Variants in NUP42 observed in about 807,000 individuals in gnomAD.
NUP42 encodes the protein nucleoporin 42, also known as nucleoporin NUP42.
NUP42 carries 47 observed loss-of-function variants against 35.9 expected under a neutral mutation model. That is an observed-to-expected ratio of 1.31 (90% CI 1.04 to 1.67). The LOEUF is 1.67. Ranked by LOEUF, NUP42 falls within the 40% of genes most tolerant of loss-of-function variation. NUP42 has a pLI of 0.00. For missense variants in NUP42, 514 were observed against 492.2 expected, an observed-to-expected ratio of 1.04 and a Z score of -0.42; for synonymous variants, 173 against 173.3, an observed-to-expected ratio of 1.00 and a Z score of 0.01.
Position 23,182,121 on chromosome 7 carries a change from C to G in NUP42, c.36C>G (p.Cys12Trp). Residue 12 changes from cysteine to tryptophan, a missense_variant, in exon 1 of 7, where the codon TGC becomes TGG. Cys to Trp is a radical substitution (Grantham distance 215, BLOSUM62 -2). Transcript: ENST00000258742. ...AICQFFLQGR[C>W]RFGDRCWNEH... Reference sequence around the variant, plus strand: ...GTCAATTCTTCCTTCAAGGCCGGTGCCGCTTTGGAGATCGGTGCTGGAACG... The same window carrying G: ...GTCAATTCTTCCTTCAAGGCCGGTGGCGCTTTGGAGATCGGTGCTGGAACG... 2.5e-6 allele frequency: 4 copies of G among 1,614,200 alleles called. No individual in the cohort carries two copies. Among genetic ancestry groups the G allele is most frequent in the Non-Finnish European group, 3.4e-6 (4 of 1,180,036 alleles).
At position 23,182,267 on chromosome 7, in the gene NUP42, G is replaced by C. The variant is rs1785433123; in HGVS notation, c.121+61G>C. ...CGGGAAGGGTCCGCCGGCGGGGACCGGGCGTCCCGCGTGTTTCCCGCTGCT... is the reference window on the plus strand; with the variant it reads ...CGGGAAGGGTCCGCCGGCGGGGACCCGGCGTCCCGCGTGTTTCCCGCTGCT... On this transcript the variant is annotated intron_variant, in intron 1 of 6. Transcript: ENST00000258742. The C allele has an allele frequency of 3.2e-5, 50 of 1,540,724 alleles. 1 individual carries two copies. The South Asian group carries it at 4.9e-4, about 15-fold the overall frequency.
chr7:23,200,811 G>A lies in NUP42; in HGVS notation c.*66G>A, dbSNP rs1167990425. The A allele has an allele frequency of 2.1e-6, 2 of 954,896 alleles. No individual in the cohort carries two copies. The highest frequency in any genetic ancestry group is 2.9e-4 in the Middle Eastern group (1 of 3,406). The allele number at this position is 954,896 out of a possible 1,614,324, so 59.2% of individuals were successfully genotyped here. On this transcript the variant is annotated 3_prime_UTR_variant, in exon 7 of 7. Coordinates refer to ENST00000258742, the MANE Select transcript of NUP42 (RefSeq NM_007342.3). ...TGCTTTGAGTGATTCATACAGAGAT[G>A]TATATATGCATACATGTATATATTC...
At chr7:23,199,910 C>G (rs920491572) in intron 6 of NUP42, among the ~76,000 whole-genome samples, 3 of 152,180 alleles carry the variant, frequency 2.0e-5, no homozygotes, top group African/African-American at 7.2e-5. Context: ...AGTCTATTCC[C>G]TAGTCCCTGT....
rs201232262 is a variant in NUP42, at chr7:23,196,671, C to T, written c.523-9C>T. 526 of 1,592,132 alleles carry T rather than the reference C, an allele frequency of 3.3e-4. No homozygotes were observed. Among genetic ancestry groups the T allele is most frequent in the Non-Finnish European group, 4.2e-4 (491 of 1,162,040 alleles). ...ATTGAACTGTTATTTTTCTGTCTTC[C>T]GTTTTCAGCTAAATTCTGTCCAACG... On this transcript the variant is annotated splice_polypyrimidine_tract_variant and intron_variant, in intron 4 of 6. Transcript: ENST00000258742.
chr7:23,185,101 C>T lies in NUP42; in HGVS notation c.153C>T (p.Ser51=). ...GNNRRGWNTT[S]QRYSNVIQPS... Reference sequence around the variant, plus strand: ...ATAGACGTGGATGGAATACAACTAGCCAGAGATATTCCAATGTCATCCAGC... The same window carrying T: ...ATAGACGTGGATGGAATACAACTAGTCAGAGATATTCCAATGTCATCCAGC... The change falls in exon 2 of 7, where the codon AGC becomes AGT. Residue 51 remains serine (S), a synonymous_variant. Transcript: ENST00000258742. 2 of 1,614,010 alleles carry T rather than the reference C, an allele frequency of 1.2e-6. No homozygotes were observed. The highest frequency in any genetic ancestry group is 1.7e-6 in the Non-Finnish European group (2 of 1,179,960).
chr7:23,195,173 A>G (rs1413899657), intron 3 of NUP42: 1 of 152,270 alleles, frequency 6.6e-6, no homozygotes, highest in Non-Finnish European at 1.5e-5. Flanking sequence ...ATTAACAATT[A>G]TCCCTCCCAG....
At chr7:23,193,347 A>G (rs1785880013) in intron 3 of NUP42, among the ~76,000 whole-genome samples, 1 of 152,154 alleles carries the variant, frequency 6.6e-6, no homozygotes, top group Non-Finnish European at 1.5e-5. Context: ...TTCATTTTAC[A>G]GAGAGCCAAG....
chr7:23,186,949 T>A, intron 2 of NUP42, 103 bp from the exon 3 acceptor site: 1 of 732,500 alleles, frequency 1.4e-6, no homozygotes. Context: ...TGGAAAAGTA[T>A]TTACTAGAAT....
At chr7:23,199,669 C>A in intron 6 of NUP42, 127 bp downstream of exon 6, 1 of 790,156 alleles carries the variant, frequency 1.3e-6, no homozygotes, top group Non-Finnish European at 2.1e-6. Flanking sequence ...ATCATAGAGC[C>A]TCAAAGCATT....
chr7:23,197,197 C>G, intron 5 of NUP42: 1 of 1,301,264 alleles, frequency 7.7e-7, no homozygotes, highest in Non-Finnish European at 1.0e-6. Context: ...GATATATACC[C>G]ACCTGTCTCC....
At chr7:23,192,623 C>A (rs1785839697) in intron 3 of NUP42, among the ~76,000 whole-genome samples, 1 of 151,446 alleles carries the variant, frequency 6.6e-6, no homozygotes, top group East Asian at 1.9e-4. Context: ...GGAAGTGGAT[C>A]ATCATAAAAG....
chr7:23,196,607 G>A (rs1344324744), intron 4 of NUP42, 73 bp from the exon 5 acceptor site: 13 of 1,087,630 alleles, frequency 1.2e-5, no homozygotes, highest in Non-Finnish European at 1.8e-5. Flanking sequence ...AAAGAAGTAT[G>A]TGAAGTTTTT....
chr7:23,185,552 TATA>T (rs754949362), intron 2 of NUP42, among the ~76,000 whole-genome samples: 2 of 152,242 alleles, frequency 1.3e-5, no homozygotes, highest in Non-Finnish European at 2.9e-5. Context: ...ATCATCTTTC[TATA>T]ATAGTAGAGT....
chr7:23,199,367 A>T, intron 5 of NUP42, 91 bp from the exon 6 acceptor site: 1 of 1,115,496 alleles, frequency 9.0e-7, no homozygotes, highest in Non-Finnish European at 1.4e-6. Flanking sequence ...TGCACATTTT[A>T]AAAACTTGAA....
At chr7:23,198,772 G>T (rs1163084118) in intron 5 of NUP42, among the ~76,000 whole-genome samples, 1 of 152,016 alleles carries the variant, frequency 6.6e-6, no homozygotes, top group Non-Finnish European at 1.5e-5. Context: ...ATTAGACTGG[G>T]TATTCTATAA....
rs112159184 is a variant in NUP42 at position 23,196,864 on chromosome 7, C to A, written c.609+98C>A. The A allele has an allele frequency of 1.0e-4, 82 of 803,270 alleles. 1 individual carries two copies. The African/African-American group carries it at 1.1e-3, about 11-fold the overall frequency. The allele number at this position is 803,270 out of a possible 1,614,324, so 49.8% of individuals were successfully genotyped here. ...ATTTGGAAAGCAAAACAAAAATTTT[C>A]TATCAAGAATTATGATACACACATT... On this transcript the variant is annotated intron_variant, in intron 5 of 6. Coordinates refer to ENST00000258742, the MANE Select transcript of NUP42 (RefSeq NM_007342.3).
chr7:23,198,750 T>A (rs1181000385), intron 5 of NUP42, among the ~76,000 whole-genome samples: 1 of 152,340 alleles, frequency 6.6e-6, no homozygotes, highest in South Asian at 2.1e-4. Flanking sequence ...TAATAGTGGA[T>A]CTACTTCGAG....
At chr7:23,196,428 ATAAC>A (rs1422346923) in intron 4 of NUP42, 5 of 413,604 alleles carry the variant, frequency 1.2e-5, no homozygotes, top group African/African-American at 2.0e-5. Context: ...CCATCCAAAT[ATAAC>A]TAACTACGTG....
chr7:23,188,392 G>C, intron 3 of NUP42: 1 of 983,124 alleles, frequency 1.0e-6, no homozygotes, highest in Non-Finnish European at 1.2e-6. Flanking sequence ...AATAAACTAA[G>C]ATAATTTCAG....
Sources: allele counts gnomAD v4.1 joint callset (sites outside exome capture counted in the v4.1 genomes callset), GRCh38; gene constraint gnomAD v4.1.1; transcripts MANE v1.5; gene names NCBI Gene and HGNC (gene_info 2026-07-23, HGNC 2026-07-21).